The following ABR variants were observed in gnomAD, a reference collection of about 807,000 sequenced individuals.
The protein encoded by ABR is active breakpoint cluster region-related protein.
Under a neutral mutation model 107.2 loss-of-function variants are expected in ABR, and 35 were observed. That is an observed-to-expected ratio of 0.33 (90% CI 0.25 to 0.43). The LOEUF (loss-of-function observed/expected upper bound fraction) is 0.43. Ranked by LOEUF, ABR falls within the 20% of genes least tolerant of loss-of-function variation. The pLI, the probability that ABR is intolerant of heterozygous loss-of-function variation, is 1.00. For missense variants in ABR, 815 were observed against 1,115.2 expected, an observed-to-expected ratio of 0.73 and a Z score of 3.83; for synonymous variants, 498 against 462.0, an observed-to-expected ratio of 1.08 and a Z score of -1.00.
Position 1,054,632 on chromosome 17 carries a change from G to T in ABR, c.1561+1403C>A, listed in dbSNP as rs1458771531. 1.7e-3 allele frequency among the ~76,000 whole-genome samples: 13 copies of T among 7,846 alleles called. 3 individuals carry two copies. Among genetic ancestry groups the T allele is most frequent in the African/African-American group, 4.3e-3 (6 of 1,392 alleles). The allele number at this position is 7,846 out of a possible 152,430, so 5.1% of individuals were successfully genotyped here. ...GCACAAGGAACCTCAGGGGATGTGG[G>T]CACAAGGAACCTCAGGGGATGGGGG... On this transcript the variant is annotated intron_variant, in intron 14 of 22. Coordinates refer to ENST00000302538, the MANE Select transcript of ABR (RefSeq NM_021962.5).
intron 2 of ABR, among the ~76,000 whole-genome samples, chr17:1,121,533 G>A (rs960896205): frequency 7.2e-6 from 1 of 138,238 alleles, no homozygotes; most frequent in Non-Finnish European, 1.5e-5. Context: ...ACAGTGGGAT[G>A]GGAGCTGAGT....
At chr17:1,211,202 C>T (rs1347657440) in intron 1 of ABR, among the ~76,000 whole-genome samples, 1 of 152,072 alleles carries the variant, frequency 6.6e-6, no homozygotes, top group Non-Finnish European at 1.5e-5. Context: ...TTGCTTGAGC[C>T]CAGGAGGCAG....
intron 2 of ABR, among the ~76,000 whole-genome samples, chr17:1,124,766 G>A (rs2039514165): frequency 6.6e-6 from 1 of 152,222 alleles, no homozygotes; most frequent in Non-Finnish European, 1.5e-5. Context: ...CCAGGCCCAG[G>A]CTGGCTTTGC....
chr17:1,156,587 G>A (rs1048247951), intron 1 of ABR, among the ~76,000 whole-genome samples: 5 of 152,152 alleles, frequency 3.3e-5, no homozygotes, highest in African/African-American at 1.2e-4. Flanking sequence ...GGGAGGTTGA[G>A]GCAGGAGAAT....
At chr17:1,122,093 G>A (rs768801988) in intron 2 of ABR, among the ~76,000 whole-genome samples, 3 of 152,130 alleles carry the variant, frequency 2.0e-5, no homozygotes, top group Non-Finnish European at 4.4e-5. Context: ...AGTAGAGACA[G>A]GGTTTCACCA....
At chr17:1,167,042 G>A (rs1025538384) in intron 1 of ABR, among the ~76,000 whole-genome samples, 1 of 152,020 alleles carries the variant, frequency 6.6e-6, no homozygotes, top group African/African-American at 2.4e-5. Flanking sequence ...TGCAGAATCT[G>A]AGCTCCGGAC....
intron 1 of ABR, among the ~76,000 whole-genome samples, chr17:1,215,583 T>C (rs1321759987): frequency 3.3e-5 from 5 of 152,078 alleles, no homozygotes; most frequent in Admixed American, 6.6e-5. Context: ...TGATCTCGGC[T>C]CACTATAACC....
rs888749426 is a variant in ABR, at chr17:1,051,845, G to A, written c.1562-1211C>T. ...TCCCAGCACTTTGGGAGGCCAAGGTGGGCAGATCACCTGAGGTCAGGAGTT... is the reference window on the plus strand; with the variant it reads ...TCCCAGCACTTTGGGAGGCCAAGGTAGGCAGATCACCTGAGGTCAGGAGTT... On this transcript the variant is annotated intron_variant, in intron 14 of 22. Transcript: ENST00000302538. The surrounding 1 kb of genome is among the most constrained non-coding windows in gnomAD (Gnocchi z 4.3). 3.9e-5 allele frequency among the ~76,000 whole-genome samples: 6 copies of A among 152,168 alleles called. No individual in the cohort carries two copies. The highest frequency in any genetic ancestry group is 1.2e-4 in the African/African-American group (5 of 41,446).
intron 16 of ABR, among the ~76,000 whole-genome samples, chr17:1,016,464 C>T (rs1056886480): frequency 6.6e-6 from 1 of 151,882 alleles, no homozygotes; most frequent in Non-Finnish European, 1.5e-5. Flanking sequence ...TTACAGGTGC[C>T]TGCCACCACG....
At chr17:1,226,376 T>A (rs1036505726) in intron 1 of ABR, among the ~76,000 whole-genome samples, 1 of 152,120 alleles carries the variant, frequency 6.6e-6, no homozygotes, top group Non-Finnish European at 1.5e-5. Context: ...AGTGTGCACA[T>A]GTATGTACAT....
At chr17:1,021,238 G>T (rs865903270) in intron 16 of ABR, among the ~76,000 whole-genome samples, 44 of 152,200 alleles carry the variant, frequency 2.9e-4, no homozygotes, top group Middle Eastern at 3.2e-3. Context: ...CTGGACGACG[G>T]GAATCTGAAG....
rs540478063 is a variant in ABR at position 1,018,220 on chromosome 17, T to G, written c.1792-5056A>C. The stretch of plus-strand genomic sequence containing the variant: ...ACCACCCCCGGCTAATTTTTTGTAT[T>G]TTTAGTAGAGACGGGGTTTCACCGT... On this transcript the variant is annotated intron_variant, in intron 16 of 22. Coordinates refer to ENST00000302538, the MANE Select transcript of ABR (RefSeq NM_021962.5). 3.9e-5 allele frequency among the ~76,000 whole-genome samples: 6 copies of G among 151,970 alleles called. No homozygotes were observed. In the South Asian group the frequency reaches 8.3e-4, roughly 21 times the overall value.
chr17:1,071,829 C>G lies in ABR; in HGVS notation c.894+785G>C, dbSNP rs1248796782. Among the ~76,000 whole-genome samples the G allele has an allele frequency of 1.3e-5, 2 of 152,246 alleles. No individual in the cohort carries two copies. Among genetic ancestry groups the G allele is most frequent in the East Asian group, 3.8e-4 (2 of 5,196 alleles). On this transcript the variant is annotated intron_variant, in intron 8 of 22. Coordinates refer to ENST00000302538, the MANE Select transcript of ABR (RefSeq NM_021962.5). The surrounding 1 kb of genome is among the most constrained non-coding windows in gnomAD (Gnocchi z 5.1). Reference sequence around the variant, plus strand: ...ACAGTCCCAGGTGAGGAATCCAGCTCTGACACCAGTGGCTGAAAGACTGCG... The same window carrying G: ...ACAGTCCCAGGTGAGGAATCCAGCTGTGACACCAGTGGCTGAAAGACTGCG...
intron 2 of ABR, chr17:1,109,114 AGCG>A (rs761555134): frequency 1.8e-5 from 27 of 1,506,206 alleles, no homozygotes; most frequent in Non-Finnish European, 2.2e-5. Flanking sequence ...GGGTCCACGC[AGCG>A]GCGGCGGGAG....
intron 10 of ABR, among the ~76,000 whole-genome samples, chr17:1,062,845 A>C: frequency 7.1e-6 from 1 of 141,330 alleles, no homozygotes; most frequent in Non-Finnish European, 1.6e-5. Context: ...TGTTATGTGA[A>C]CTGAGGGCTA....
At position 1,027,501 on chromosome 17, in the gene ABR, C is replaced by T. The variant is rs537227212; in HGVS notation, c.1792-14337G>A. On this transcript the variant is annotated intron_variant, in intron 16 of 22. Transcript: ENST00000302538. The surrounding 1 kb of genome is among the most constrained non-coding windows in gnomAD (Gnocchi z 4.7). ...CGGACTCAAGCAAGCCTCTTGGGAG[C>T]TGGCCTGGCAGAGAGATCAGAGAGT... Among the ~76,000 whole-genome samples the T allele has an allele frequency of 6.6e-6, 1 of 152,334 alleles. No individual in the cohort carries two copies. The highest frequency in any genetic ancestry group is 1.5e-5 in the Non-Finnish European group (1 of 68,024).
intron 1 of ABR, among the ~76,000 whole-genome samples, chr17:1,145,493 G>C (rs779789432): frequency 6.6e-6 from 1 of 152,218 alleles, no homozygotes; most frequent in Admixed American, 6.5e-5. Flanking sequence ...TGCAGAAGGC[G>C]GGTGGCCAGG....
chr17:1,165,005 T>A (rs1160526807), intron 1 of ABR, among the ~76,000 whole-genome samples: 1 of 152,248 alleles, frequency 6.6e-6, no homozygotes, highest in African/African-American at 2.4e-5. Flanking sequence ...GGGGCATCCT[T>A]ATTTTTATTT....
intron 16 of ABR, among the ~76,000 whole-genome samples, chr17:1,030,535 T>A (rs1025553166): frequency 6.6e-6 from 1 of 152,226 alleles, no homozygotes; most frequent in Middle Eastern, 3.2e-3. Context: ...CAGGGGCCAG[T>A]GCAGTACAGC....
Sources: allele counts gnomAD v4.1 joint callset (sites outside exome capture counted in the v4.1 genomes callset), GRCh38; gene constraint gnomAD v4.1.1; non-coding constraint Gnocchi (gnomAD v3.1); transcripts MANE v1.5; gene names NCBI Gene and HGNC (gene_info 2026-07-23, HGNC 2026-07-21).